Variants in L3MBTL4 observed in about 807,000 individuals in gnomAD.
L3MBTL4 encodes the protein L3MBTL histone methyl-lysine binding protein 4, also known as lethal(3)malignant brain tumor-like protein 4.
L3MBTL4 carries 70 observed loss-of-function variants against 84.5 expected under a neutral mutation model. That is an observed-to-expected ratio of 0.83 (90% CI 0.68 to 1.01). The LOEUF (loss-of-function observed/expected upper bound fraction) is 1.01, where lower values mean the gene tolerates loss of function less well. Among genes scored for constraint, L3MBTL4 ranks in the 50% least tolerant of loss-of-function variants. L3MBTL4 has a pLI of 0.00. For synonymous variants in L3MBTL4, 274 were observed against 259.8 expected, an observed-to-expected ratio of 1.05 and a Z score of -0.52; for missense variants, 715 against 754.8, an observed-to-expected ratio of 0.95 and a Z score of 0.62.
chr18:6,303,318 A>G (rs1599555340), intron 3 of L3MBTL4, among the ~76,000 whole-genome samples: 2 of 152,164 alleles, frequency 1.3e-5, no homozygotes, highest in East Asian at 3.9e-4. Context: ...ATGGGGTTTC[A>G]CTATATTGGC....
chr18:5,988,055 T>C (rs1415264259), intron 16 of L3MBTL4, among the ~76,000 whole-genome samples: 1 of 152,224 alleles, frequency 6.6e-6, no homozygotes, highest in East Asian at 1.9e-4. Context: ...CATAAAGTCA[T>C]TGCATGAATT....
intron 7 of L3MBTL4, among the ~76,000 whole-genome samples, chr18:6,242,925 G>C (rs540127673): frequency 1.3e-5 from 2 of 152,216 alleles, no homozygotes; most frequent in East Asian, 1.9e-4. Context: ...AGTGAATCAA[G>C]TTTCCTCACC....
chr18:6,060,988 A>T (rs2057198142), intron 16 of L3MBTL4, among the ~76,000 whole-genome samples: 1 of 152,152 alleles, frequency 6.6e-6, no homozygotes, highest in African/African-American at 2.4e-5. Context: ...GTTTTTGTAC[A>T]AATATAAGTT....
intron 14 of L3MBTL4, among the ~76,000 whole-genome samples, chr18:6,137,323 T>C (rs1229502176): frequency 6.6e-6 from 1 of 152,242 alleles, no homozygotes; most frequent in Non-Finnish European, 1.5e-5. Context: ...TATTCATGTA[T>C]GTGATTTGGG....
intron 16 of L3MBTL4, among the ~76,000 whole-genome samples, chr18:6,014,170 T>C (rs1436401869): frequency 1.3e-5 from 2 of 152,228 alleles, no homozygotes; most frequent in Non-Finnish European, 2.9e-5. Flanking sequence ...AACTGAGTTT[T>C]AAAGGTGCTG....
rs143325388 is a variant in L3MBTL4 at position 6,321,218 on chromosome 18, A to C, written c.-90-9162T>G. Among the ~76,000 whole-genome samples the C allele has an allele frequency of 3.6e-3, 553 of 152,312 alleles. 6 individuals are homozygous for C. The highest frequency in any genetic ancestry group is 0.012 in the African/African-American group (516 of 41,578). ...CAAAAGCAAATGTAACAAAAACAAA[A>C]ATAAATAAATGGGACCTAATTAAAC... On this transcript the variant is annotated intron_variant, in intron 1 of 18. Transcript: ENST00000317931.
At chr18:6,216,306 C>T (rs900543361) in intron 10 of L3MBTL4, among the ~76,000 whole-genome samples, 8 of 152,170 alleles carry the variant, frequency 5.3e-5, no homozygotes, top group African/African-American at 1.9e-4. Flanking sequence ...TTTGTAATTA[C>T]AATTTCCTAA....
At chr18:6,127,643 T>C (rs903577945) in intron 14 of L3MBTL4, among the ~76,000 whole-genome samples, 2 of 152,148 alleles carry the variant, frequency 1.3e-5, no homozygotes, top group Admixed American at 1.3e-4. Context: ...TGCTGGCAGA[T>C]GAGAGAAGTG....
chr18:6,050,462 T>C (rs1003083169), intron 16 of L3MBTL4, among the ~76,000 whole-genome samples: 3 of 152,366 alleles, frequency 2.0e-5, no homozygotes, highest in South Asian at 2.1e-4. Context: ...ATTCACTGTG[T>C]AATTTTTACA....
intron 16 of L3MBTL4, among the ~76,000 whole-genome samples, chr18:5,998,527 A>AGGCT (rs2054079822): frequency 6.6e-6 from 1 of 152,144 alleles, no homozygotes; most frequent in Admixed American, 6.5e-5. Flanking sequence ...TCACTTAACC[A>AGGCT]AAGGGTGGTT....
intron 12 of L3MBTL4, among the ~76,000 whole-genome samples, chr18:6,195,892 C>T (rs1433736043): frequency 6.6e-6 from 1 of 152,136 alleles, no homozygotes; most frequent in Non-Finnish European, 1.5e-5. Context: ...TTGGTGGACA[C>T]TTGAGCAGAC....
At chr18:6,136,054 G>C (rs1469451231) in intron 14 of L3MBTL4, among the ~76,000 whole-genome samples, 2 of 152,226 alleles carry the variant, frequency 1.3e-5, no homozygotes, top group African/African-American at 4.8e-5. Flanking sequence ...AAATGAGGAA[G>C]AAAGCAAAAG....
At chr18:6,054,213 AT>A (rs1454496347) in intron 16 of L3MBTL4, among the ~76,000 whole-genome samples, 3 of 151,606 alleles carry the variant, frequency 2.0e-5, no homozygotes, top group East Asian at 3.9e-4. Flanking sequence ...CATCGTCACA[AT>A]TTTTTTTTCT....
chr18:6,219,423 T>A (rs892018578), intron 10 of L3MBTL4, among the ~76,000 whole-genome samples: 2 of 149,532 alleles, frequency 1.3e-5, no homozygotes, highest in Admixed American at 1.3e-4. Flanking sequence ...CCTCATTCCA[T>A]GCCATTTTGA....
chr18:6,166,734 C>A (rs1289162065), intron 13 of L3MBTL4, among the ~76,000 whole-genome samples: 3 of 151,838 alleles, frequency 2.0e-5, no homozygotes, highest in Non-Finnish European at 4.4e-5. Flanking sequence ...CAGGAAAGAT[C>A]AAAAATTGAC....
chr18:6,197,853 G>A (rs765336316), intron 12 of L3MBTL4, among the ~76,000 whole-genome samples: 1 of 152,242 alleles, frequency 6.6e-6, no homozygotes, highest in Non-Finnish European at 1.5e-5. Flanking sequence ...GCCCTCGCAA[G>A]TATTTGAAGG....
In L3MBTL4 at chr18:6,093,493, T is replaced by G. The variant is rs190553144; in HGVS notation, c.1235A>C (p.Lys412Thr). ...ACGATCGTGAAGTGTTGCCTCCTTTTTCAAGTTCATGTCTGAATACGGGCA... is the reference window on the plus strand; with the variant it reads ...ACGATCGTGAAGTGTTGCCTCCTTTGTCAAGTTCATGTCTGAATACGGGCA... Reference protein sequence around the residue: ...FGCPYSDMNLKKEATLHDRLR... With the variant: ...FGCPYSDMNLTKEATLHDRLR... Residue 412 changes from lysine (K) to threonine (T), a missense_variant, in exon 15 of 19, where the codon AAA (lysine) becomes ACA (threonine). By Grantham distance (78) the Lys-to-Thr change is moderately conservative (BLOSUM62 -1). Coordinates refer to ENST00000317931, the MANE Select transcript of L3MBTL4 (RefSeq NM_001330559.2). 9 of 1,613,660 alleles carry G rather than the reference T, an allele frequency of 5.6e-6. No homozygotes were observed. Among genetic ancestry groups the G allele is most frequent in the Non-Finnish European group, 7.6e-6 (9 of 1,179,916 alleles).
chr18:6,292,044 T>C (rs2049890442), intron 4 of L3MBTL4, among the ~76,000 whole-genome samples: 1 of 152,212 alleles, frequency 6.6e-6, no homozygotes, highest in Non-Finnish European at 1.5e-5. Context: ...CATGAAGACA[T>C]ATTTAAAGCG....
chr18:6,388,244 G>A (rs1335429100), intron 1 of L3MBTL4, among the ~76,000 whole-genome samples: 1 of 152,158 alleles, frequency 6.6e-6, no homozygotes, highest in Non-Finnish European at 1.5e-5. Context: ...GCACTAAGAT[G>A]TAGGACAAAT....
Sources: allele counts gnomAD v4.1 joint callset (sites outside exome capture counted in the v4.1 genomes callset), GRCh38; gene constraint gnomAD v4.1.1; transcripts MANE v1.5; gene names NCBI Gene and HGNC (gene_info 2026-07-23, HGNC 2026-07-21).